The following IPO7 variants were observed in gnomAD, a reference collection of about 807,000 sequenced individuals.
IPO7 encodes the protein importin 7.
IPO7 carries 13 observed loss-of-function variants against 136.4 expected under a neutral mutation model. The ratio of observed to expected loss-of-function variants is 0.10; its 90% CI spans 0.06 to 0.15. The LOEUF is 0.15. IPO7 is among the 10% of genes least tolerant of loss of function. IPO7 has a pLI of 1.00. For missense variants in IPO7, 857 were observed against 1,240.6 expected, an observed-to-expected ratio of 0.69 and a Z score of 4.65; for synonymous variants, 403 against 404.4, an observed-to-expected ratio of 1.00 and a Z score of 0.04.
At chr11:9,443,266 T>C (rs1855482955) in intron 24 of IPO7, among the ~76,000 whole-genome samples, 1 of 151,694 alleles carries the variant, frequency 6.6e-6, no homozygotes, top group Admixed American at 6.6e-5. Context: ...TAGCTCATGG[T>C]GATGGTTAGA....
At chr11:9,435,481 G>C (rs1240970420) in intron 19 of IPO7, among the ~76,000 whole-genome samples, 1 of 152,156 alleles carries the variant, frequency 6.6e-6, no homozygotes, top group African/African-American at 2.4e-5. Flanking sequence ...CAGTGTAATT[G>C]GAAGCATTTT....
chr11:9,424,253 T>C (rs1333104289), intron 10 of IPO7, among the ~76,000 whole-genome samples: 2 of 152,172 alleles, frequency 1.3e-5, no homozygotes, highest in Non-Finnish European at 2.9e-5. Flanking sequence ...AACTAAAGAA[T>C]TGTAATTTGG....
chr11:9,416,488 T>C (rs1855044206), intron 5 of IPO7, among the ~76,000 whole-genome samples: 1 of 152,194 alleles, frequency 6.6e-6, no homozygotes, highest in Non-Finnish European at 1.5e-5. Context: ...TCTCAACTCA[T>C]TCTTTGAGAC....
chr11:9,436,874 T>A (rs1346619771), intron 20 of IPO7, among the ~76,000 whole-genome samples: 259 of 17,438 alleles, frequency 0.015, no homozygotes, highest in South Asian at 0.033. Flanking sequence ...ATATATTTTT[T>A]TTTTTTTTTT....
intron 1 of IPO7, among the ~76,000 whole-genome samples, chr11:9,393,987 A>G (rs1854674396): frequency 6.6e-6 from 1 of 151,620 alleles, no homozygotes; most frequent in Non-Finnish European, 1.5e-5. Context: ...GGTTCAAGTG[A>G]TTATCCTGCC....
chr11:9,433,998 A>T (rs571145287), intron 18 of IPO7, 152 bp downstream of exon 18: 1 of 689,550 alleles, frequency 1.5e-6, no homozygotes, highest in Non-Finnish European at 2.3e-6. Flanking sequence ...ATCTCAGCTC[A>T]TCGCAACCTA....
At chr11:9,396,471 A>G (rs761356507) in intron 1 of IPO7, among the ~76,000 whole-genome samples, 4 of 152,234 alleles carry the variant, frequency 2.6e-5, no homozygotes, top group Admixed American at 6.5e-5. Flanking sequence ...AAAGTATGCA[A>G]TACAGTGGCT....
rs537998661 is a variant in IPO7 at position 9,431,740 on chromosome 11, G to A, written c.1881+737G>A. ...TGTAATCCCAGCACTTTGAGAGGCC[G>A]AGGTGGGCAGATCACCTGAGGTCAG... On this transcript the variant is annotated intron_variant, in intron 16 of 24. Coordinates refer to ENST00000379719, the MANE Select transcript of IPO7 (RefSeq NM_006391.3). 8.7e-4 allele frequency among the ~76,000 whole-genome samples: 132 copies of A among 152,136 alleles called. 2 individuals are homozygous for A. In the South Asian group the frequency reaches 0.025, roughly 29 times the overall value.
Position 9,408,490 on chromosome 11 carries a change from T to C in IPO7, c.171T>C (p.Val57=). 1 of 1,555,584 alleles carries C rather than the reference T, an allele frequency of 6.4e-7. No individual in the cohort carries two copies. The highest frequency in any genetic ancestry group is 2.1e-5 in the Admixed American group (1 of 48,212). ...TCAAACTGATCTGTATTTTAGGTGT[T>C]ATCTATCTGAAAAATATGATAACAC... is the stretch of plus-strand genomic sequence containing the variant. ...QLDLPVRQAG[V]IYLKNMITQY... Residue 57 remains valine (V), a synonymous_variant, in exon 3 of 25, where the codon GTT becomes GTC. Transcript: ENST00000379719.
At chr11:9,399,781 C>T (rs548051490) in intron 1 of IPO7, among the ~76,000 whole-genome samples, 1 of 152,224 alleles carries the variant, frequency 6.6e-6, no homozygotes, top group South Asian at 2.1e-4. Flanking sequence ...TGCTGAGTGG[C>T]ATAGGTGGAA....
chr11:9,440,973 T>C (rs1261845289), intron 23 of IPO7, among the ~76,000 whole-genome samples: 1 of 152,246 alleles, frequency 6.6e-6, no homozygotes, highest in Non-Finnish European at 1.5e-5. Flanking sequence ...GTAACCACTC[T>C]TACGTGTATA....
chr11:9,440,005 GTTAA>G (rs1290581795), intron 22 of IPO7, among the ~76,000 whole-genome samples: 2 of 152,152 alleles, frequency 1.3e-5, no homozygotes, highest in African/African-American at 4.8e-5. Flanking sequence ...ATAACATTAT[GTTAA>G]TTAAATGTTG....
Position 9,430,972 on chromosome 11 carries a change from C to T in IPO7, c.1850C>T (p.Thr617Ile). 2 of 1,611,800 alleles carry T rather than the reference C, an allele frequency of 1.2e-6. No individual in the cohort carries two copies. Among genetic ancestry groups the T allele is most frequent in the Non-Finnish European group, 1.7e-6 (2 of 1,178,010 alleles). The change falls in exon 16 of 25, where the codon ACA (threonine) becomes ATA (isoleucine). Residue 617 changes from threonine (T) to isoleucine (I), a missense_variant. This residue lies in a region of IPO7 where 58 missense variants were observed against 122.1 expected (regional missense o/e 0.47). Transcript: ENST00000379719. ...TAMGILNTID[T>I]LLSVVEDHKE... ...ATGGGAATTCTGAATACAATTGATA[C>T]ACTTCTTAGTGTAGTTGAAGATCAT...
In IPO7 at chr11:9,440,529, G is replaced by A; in HGVS notation, c.2770G>A (p.Gly924Ser). The change falls in exon 23 of 25, where the codon GGT becomes AGT. Residue 924 changes from glycine to serine, a missense_variant. Transcript: ENST00000379719. Reference protein sequence around the residue: ...EYLEILAKQAGEDGDDEDWEE... With the variant: ...EYLEILAKQASEDGDDEDWEE... ...TTTGGAGATTCTGGCTAAGCAGGCT[G>A]GTGAAGATGGAGATGATGAAGATTG... is the stretch of plus-strand genomic sequence containing the variant. 2 of 1,614,008 alleles carry A rather than the reference G, an allele frequency of 1.2e-6. No individual in the cohort carries two copies. The highest frequency in any genetic ancestry group is 1.7e-4 in the Middle Eastern group (1 of 6,060).
intron 4 of IPO7, among the ~76,000 whole-genome samples, chr11:9,412,699 G>C (rs764232282): frequency 6.6e-6 from 1 of 152,012 alleles, no homozygotes; most frequent in Non-Finnish European, 1.5e-5. Flanking sequence ...AGATGTGGTG[G>C]CACATGCCTG....
intron 6 of IPO7, among the ~76,000 whole-genome samples, chr11:9,419,875 C>CTA (rs1380305975): frequency 6.6e-6 from 1 of 152,074 alleles, no homozygotes; most frequent in Non-Finnish European, 1.5e-5. Flanking sequence ...GTGGCCTTGA[C>CTA]TATACTATTT....
At chr11:9,411,843 C>T (rs941902074) in intron 4 of IPO7, among the ~76,000 whole-genome samples, 3 of 152,150 alleles carry the variant, frequency 2.0e-5, no homozygotes, top group African/African-American at 7.2e-5. Flanking sequence ...AGATTAACAA[C>T]TAGTACCACT....
At chr11:9,384,951 T>C (rs1446318780) in intron 1 of IPO7, 104 bp downstream of exon 1, 2 of 848,012 alleles carry the variant, frequency 2.4e-6, no homozygotes, top group Non-Finnish European at 3.7e-6. Flanking sequence ...TCGTTGAGGG[T>C]CCCAGCAGGA....
intron 24 of IPO7, among the ~76,000 whole-genome samples, chr11:9,444,114 T>TA (rs1715714216): frequency 6.6e-6 from 1 of 151,008 alleles, no homozygotes; most frequent in African/African-American, 2.4e-5. Context: ...CTGTCTTTAC[T>TA]AAAAAACACA....
Sources: allele counts gnomAD v4.1 joint callset (sites outside exome capture counted in the v4.1 genomes callset), GRCh38; gene constraint gnomAD v4.1.1; regional missense constraint gnomAD v4.1.1; transcripts MANE v1.5; gene names NCBI Gene and HGNC (gene_info 2026-07-23, HGNC 2026-07-21).